Variants in CAPS2 observed in about 807,000 individuals in gnomAD.
CAPS2 encodes calcyphosine 2.
A neutral mutation model predicts 86.5 loss-of-function variants in CAPS2; 98 were observed. That is an observed-to-expected ratio of 1.13 (90% CI 0.96 to 1.34). The LOEUF (loss-of-function observed/expected upper bound fraction) is 1.34, where lower values mean the gene tolerates loss of function less well. Among genes scored for constraint, CAPS2 ranks in the 40% most tolerant of loss-of-function variants. The probability of loss-of-function intolerance (pLI) is 0.00; values close to 1 mark genes in which losing one functional copy is unlikely to be tolerated. For missense variants in CAPS2, 729 were observed against 686.8 expected (o/e 1.06, Z -0.69); for synonymous variants, 210 against 225.1 (o/e 0.93, Z 0.60).
chr12:75,334,998 C>A, upstream of CAPS2: 1 of 1,222,766 alleles, frequency 8.2e-7, no homozygotes, highest in Non-Finnish European at 1.1e-6. Flanking sequence ...TAATTCAATC[C>A]GGACTTTACA....
At chr12:75,359,584 T>A (rs765277024) in intron 1 of CAPS2, among the ~76,000 whole-genome samples, 1 of 151,988 alleles carries the variant, frequency 6.6e-6, no homozygotes, top group Non-Finnish European at 1.5e-5. Flanking sequence ...TCAAAAGTTA[T>A]TAAAACTGTA....
At position 75,321,608 on chromosome 12, in the gene CAPS2, GA is replaced by G. The variant is rs569185765; in HGVS notation, c.292-33del. On this transcript the variant is annotated intron_variant, in intron 4 of 16. Transcript: ENST00000393284. ...GTAAAAAGAAAAAAGCATGCTATCAGAAAAAAAAAGTATTAATTTTCCTTAT... is the reference window on the plus strand; with the variant it reads ...GTAAAAAGAAAAAAGCATGCTATCAGAAAAAAAAGTATTAATTTTCCTTAT... 562 of 1,429,712 alleles carry G rather than the reference GA, an allele frequency of 3.9e-4. 1 individual carries two copies. Among genetic ancestry groups the G allele is most frequent in the Middle Eastern group, 1.5e-3 (8 of 5,358 alleles). 88.6% of individuals were successfully genotyped at this position (1,429,712 alleles called of 1,614,324 possible).
At chr12:75,362,190 C>T (rs1371451643) in intron 1 of CAPS2, among the ~76,000 whole-genome samples, 2 of 152,030 alleles carry the variant, frequency 1.3e-5, no homozygotes, top group Admixed American at 1.3e-4. Context: ...ATAAAGAAAA[C>T]TTAAAACTCA....
intron 7 of CAPS2, chr12:75,305,621 G>C: frequency 1.6e-6 from 1 of 620,340 alleles, no homozygotes; most frequent in Non-Finnish European, 3.1e-6. Flanking sequence ...CGACCGGAAG[G>C]CTCAGCAGCA....
chr12:75,294,438 A>G (rs2036532824), intron 11 of CAPS2, among the ~76,000 whole-genome samples: 1 of 152,218 alleles, frequency 6.6e-6, no homozygotes, highest in East Asian at 1.9e-4. Context: ...TATGACCTAG[A>G]TAAGGCTTTC....
chr12:75,379,853 TAAAAAAAA>T (rs35309353), intron 1 of CAPS2, among the ~76,000 whole-genome samples: 1 of 111,930 alleles, frequency 8.9e-6, no homozygotes, highest in Non-Finnish European at 1.8e-5. Context: ...TCCCTATCAG[TAAAAAAAA>T]AAAAAAAAAA....
At chr12:75,334,700 G>GGCATCCTCC (rs2041592120), upstream of CAPS2, 2 of 1,600,450 alleles carry the variant, frequency 1.2e-6, no homozygotes, top group Admixed American at 3.4e-5. Flanking sequence ...GCGCAGTCAG[G>GGCATCCTCC]GCATCCTCCG....
intron 1 of CAPS2, chr12:75,347,722 C>T (rs376918511): frequency 1.6e-5 from 25 of 1,569,270 alleles, no homozygotes; most frequent in East Asian, 4.5e-5. Context: ...TACGGACCTG[C>T]GTGAGTTATT....
At chr12:75,328,615 C>T (rs2041007789), upstream of CAPS2, among the ~76,000 whole-genome samples, 1 of 152,208 alleles carries the variant, frequency 6.6e-6, no homozygotes, top group African/African-American at 2.4e-5. Context: ...ACATTTTACA[C>T]ATATTCTTAG....
At chr12:75,296,338 T>A (rs549584278) in intron 11 of CAPS2, among the ~76,000 whole-genome samples, 39 of 151,940 alleles carry the variant, frequency 2.6e-4, no homozygotes, top group Non-Finnish European at 3.5e-4. Flanking sequence ...GTCACCCAGG[T>A]TGGAGTGCAG....
intron 1 of CAPS2, among the ~76,000 whole-genome samples, chr12:75,341,313 G>A (rs955297294): frequency 2.0e-5 from 3 of 152,028 alleles, no homozygotes; most frequent in African/African-American, 7.2e-5. Context: ...AATATGACTT[G>A]GTCACTAAAT....
intron 7 of CAPS2, 51 bp from the exon 8 acceptor site, chr12:75,304,927 TTAA>T: frequency 1.9e-6 from 3 of 1,570,866 alleles, no homozygotes; most frequent in Non-Finnish European, 2.6e-6. Flanking sequence ...ATGCATTACT[TTAA>T]AATTCACATA....
At chr12:75,334,781 T>C, upstream of CAPS2, 1 of 1,614,108 alleles carries the variant, frequency 6.2e-7, no homozygotes, top group East Asian at 2.2e-5. Context: ...CTGTGTTTGG[T>C]AGCCACTACA....
At chr12:75,309,485 G>A (rs2038912740) in intron 7 of CAPS2, among the ~76,000 whole-genome samples, 1 of 152,100 alleles carries the variant, frequency 6.6e-6, no homozygotes, top group Non-Finnish European at 1.5e-5. Context: ...TAACAATCTT[G>A]CCCTCTCTGG....
chr12:75,319,485 C>G (rs1253241511), intron 5 of CAPS2, among the ~76,000 whole-genome samples: 1 of 151,040 alleles, frequency 6.6e-6, no homozygotes, highest in Non-Finnish European at 1.5e-5. Context: ...TAAAAGCAAC[C>G]TGAAGCCCTT....
In CAPS2 at chr12:75,299,840, G is replaced by T. The variant is rs556740394; in HGVS notation, c.851C>A (p.Ser284Ter). 2 of 1,483,542 alleles carry T rather than the reference G, an allele frequency of 1.3e-6. No individual in the cohort carries two copies. The highest frequency in any genetic ancestry group is 1.8e-6 in the Non-Finnish European group (2 of 1,083,956). 91.9% of individuals were successfully genotyped at this position (1,483,542 alleles called of 1,614,324 possible). Reference sequence around the variant, plus strand: ...ATTTTAATAAAATCACAATTACCGTGATACGATCCTACCATCAAACTGTAA... The same window carrying T: ...ATTTTAATAAAATCACAATTACCGTTATACGATCCTACCATCAAACTGTAA... Residue 284 changes from serine to a stop codon, truncating the protein, a stop_gained, in exon 9 of 17, where the codon TCA (serine) becomes TAA (stop). Coordinates refer to ENST00000393284, the Ensembl canonical transcript of CAPS2. LOFTEE classifies it high-confidence loss of function.
intron 7 of CAPS2, chr12:75,305,518 A>C: frequency 4.9e-6 from 3 of 615,364 alleles, no homozygotes; most frequent in Middle Eastern, 4.0e-4. Flanking sequence ...GGTGCATAGC[A>C]ACCCTAGGGT....
chr12:75,389,241 T>C (rs1423008169), intron 1 of CAPS2, among the ~76,000 whole-genome samples: 1 of 152,230 alleles, frequency 6.6e-6, no homozygotes, highest in Admixed American at 6.5e-5. Flanking sequence ...TGTTTGATGA[T>C]TCATCTGTGT....
chr12:75,351,935 T>C (rs2042843621), intron 1 of CAPS2, among the ~76,000 whole-genome samples: 1 of 152,152 alleles, frequency 6.6e-6, no homozygotes, highest in Non-Finnish European at 1.5e-5. Flanking sequence ...AAATGAGATT[T>C]TTTTTCAGAC....
Sources: gnomAD v4.1 joint callset for allele counts (sites outside exome capture counted in the v4.1 genomes callset) on GRCh38, gnomAD v4.1.1 for gene constraint, MANE v1.5 for transcripts, NCBI Gene and HGNC (gene_info 2026-07-23, HGNC 2026-07-21) for gene names.